GRM5: variants seen among roughly 807,000 people sequenced by gnomAD.
The protein encoded by GRM5 is metabotropic glutamate receptor 5.
In GRM5, 19 loss-of-function variants were observed where a neutral mutation model predicts 83.1. That is an observed-to-expected ratio of 0.23 (90% confidence interval 0.16 to 0.34). The LOEUF is 0.34. Ranked by LOEUF, GRM5 falls within the 10% of genes least tolerant of loss-of-function variation. The pLI is 1.00. For missense variants in GRM5, 1,160 were observed against 1,588.3 expected (o/e 0.73, Z 4.58); for synonymous variants, 675 against 633.6 (o/e 1.07, Z -0.98).
chr11:88,748,685 A>G (rs1425626094), intron 3 of GRM5, among the ~76,000 whole-genome samples: 3 of 152,066 alleles, frequency 2.0e-5, no homozygotes, highest in African/African-American at 7.2e-5. Context: ...CCTACAGGTG[A>G]ATGCAGGCTG....
intron 3 of GRM5, among the ~76,000 whole-genome samples, chr11:88,829,426 A>G (rs1166059700): frequency 6.6e-6 from 1 of 152,178 alleles, no homozygotes; most frequent in Admixed American, 6.6e-5. Context: ...GTGCTACTGC[A>G]CTCCAACCTG....
At chr11:88,674,919 G>T (rs1339129822) in intron 3 of GRM5, among the ~76,000 whole-genome samples, 1 of 151,860 alleles carries the variant, frequency 6.6e-6, no homozygotes, top group African/African-American at 2.4e-5. Flanking sequence ...AGGCACGTAA[G>T]ATCCTTTATC....
chr11:89,009,900 C>CAAAAAAAAAAAA (rs758398638), intron 2 of GRM5, among the ~76,000 whole-genome samples: 1 of 21,684 alleles, frequency 4.6e-5, no homozygotes, highest in Non-Finnish European at 1.0e-4. Context: ...GACTCCGTCT[C>CAAAAAAAAAAAA]AAAAAAAAAA....
intron 3 of GRM5, among the ~76,000 whole-genome samples, chr11:88,780,290 T>C (rs895706641): frequency 2.6e-5 from 4 of 152,210 alleles, no homozygotes; most frequent in African/African-American, 9.6e-5. Context: ...ATTACTTCCA[T>C]TGGGGCATCT....
chr11:88,937,316 T>C (rs1415784513), intron 2 of GRM5, among the ~76,000 whole-genome samples: 1 of 151,758 alleles, frequency 6.6e-6, no homozygotes, highest in East Asian at 1.9e-4. Context: ...GTATAGAGTA[T>C]GAAAAACTTA....
chr11:89,064,125 A>G (rs1393144821), intron 1 of GRM5, among the ~76,000 whole-genome samples: 1 of 152,002 alleles, frequency 6.6e-6, no homozygotes, highest in African/African-American at 2.4e-5. Flanking sequence ...CCTAGATTAC[A>G]TTGCATTTAT....
chr11:88,560,548 T>C (rs1188163697), intron 8 of GRM5, among the ~76,000 whole-genome samples: 1 of 151,918 alleles, frequency 6.6e-6, no homozygotes, highest in Non-Finnish European at 1.5e-5. Context: ...AAAGAAAGCA[T>C]TTTTTTTCTT....
At chr11:89,008,211 C>T (rs1940584428) in intron 2 of GRM5, among the ~76,000 whole-genome samples, 3 of 152,070 alleles carry the variant, frequency 2.0e-5, no homozygotes, top group Non-Finnish European at 4.4e-5. Context: ...AATTCGTATG[C>T]AGTGCTGACA....
chr11:88,531,184 G>A (rs1163946763), intron 8 of GRM5, among the ~76,000 whole-genome samples: 1 of 152,122 alleles, frequency 6.6e-6, no homozygotes, highest in African/African-American at 2.4e-5. Context: ...CTCCATCTCT[G>A]TGTCCTGTGA....
intron 3 of GRM5, among the ~76,000 whole-genome samples, chr11:88,736,825 C>T (rs1941924808): frequency 1.3e-5 from 2 of 151,904 alleles, no homozygotes; most frequent in South Asian, 4.1e-4. Flanking sequence ...GGACACTGAA[C>T]TGTTTATCAA....
intron 2 of GRM5, among the ~76,000 whole-genome samples, chr11:88,907,168 G>A (rs1401415484): frequency 6.6e-6 from 1 of 152,052 alleles, no homozygotes; most frequent in Non-Finnish European, 1.5e-5. Context: ...GGATGGTTAT[G>A]AAAAATAAAT....
At chr11:88,882,500 G>T (rs1017775679) in intron 2 of GRM5, among the ~76,000 whole-genome samples, 10 of 150,318 alleles carry the variant, frequency 6.7e-5, no homozygotes, top group African/African-American at 2.4e-4. Flanking sequence ...GGTGGAGCTC[G>T]CAGTGAGCCG....
chr11:88,614,212 C>G lies in GRM5; in HGVS notation c.1148-9248G>C, dbSNP rs367805204. Among the ~76,000 whole-genome samples the G allele has an allele frequency of 2.2e-4, 34 of 152,250 alleles. 1 individual carries two copies. The highest frequency in any genetic ancestry group is 7.9e-4 in the African/African-American group (33 of 41,534). On this transcript the variant is annotated intron_variant, in intron 4 of 9. Coordinates refer to ENST00000305447, the MANE Select transcript of GRM5 (RefSeq NM_001143831.3). Reference sequence around the variant, plus strand: ...TGTTTGAATCCTGTTATGTGTCTTCCTGGCTCTGTGGCTTGGACAGGTTAC... The same window carrying G: ...TGTTTGAATCCTGTTATGTGTCTTCGTGGCTCTGTGGCTTGGACAGGTTAC...
intron 3 of GRM5, among the ~76,000 whole-genome samples, chr11:88,740,446 T>C (rs550425082): frequency 6.6e-6 from 1 of 152,210 alleles, no homozygotes; most frequent in East Asian, 1.9e-4. Context: ...AGAGAATATA[T>C]GTTTAAGATT....
At chr11:88,774,958 A>G (rs576869980) in intron 3 of GRM5, among the ~76,000 whole-genome samples, 1 of 152,340 alleles carries the variant, frequency 6.6e-6, no homozygotes, top group East Asian at 1.9e-4. Context: ...TGCTGGCCTC[A>G]TAAAATGAGT....
At chr11:88,988,405 G>T (rs1342796580) in intron 2 of GRM5, among the ~76,000 whole-genome samples, 2 of 151,812 alleles carry the variant, frequency 1.3e-5, no homozygotes, top group East Asian at 1.9e-4. Flanking sequence ...GAAAGTGACG[G>T]GGAGAATGGA....
intron 3 of GRM5, among the ~76,000 whole-genome samples, chr11:88,820,884 C>T (rs1236412186): frequency 1.3e-5 from 2 of 152,176 alleles, no homozygotes; most frequent in African/African-American, 2.4e-5. Context: ...TTTGCATAAG[C>T]GAACAAAAGC....
chr11:88,512,645 G>A (rs762210926), intron 9 of GRM5, among the ~76,000 whole-genome samples: 8 of 152,130 alleles, frequency 5.3e-5, no homozygotes, highest in Non-Finnish European at 1.2e-4. Flanking sequence ...TTCTGGATCT[G>A]CCATCCCAGA....
At chr11:88,776,121 C>A (rs1245417694) in intron 3 of GRM5, among the ~76,000 whole-genome samples, 1 of 152,140 alleles carries the variant, frequency 6.6e-6, no homozygotes. Context: ...AATCTGGGTG[C>A]TCCTGTATTG....
Sources: gnomAD v4.1 joint callset for allele counts (sites outside exome capture counted in the v4.1 genomes callset) on GRCh38, gnomAD v4.1.1 for gene constraint, MANE v1.5 for transcripts, NCBI Gene and HGNC (gene_info 2026-07-23, HGNC 2026-07-21) for gene names.